Variants in DOCK2 observed in about 807,000 individuals in gnomAD.
DOCK2 encodes dedicator of cytokinesis 2, also known as dedicator of cytokinesis protein 2.
In DOCK2, 87 loss-of-function variants were observed where a neutral mutation model predicts 248.9. The ratio of observed to expected loss-of-function variants is 0.35; its 90% CI spans 0.29 to 0.42. The LOEUF is 0.42. Among genes scored for constraint, DOCK2 ranks in the 10% least tolerant of loss-of-function variants. The pLI, the probability that DOCK2 is intolerant of heterozygous loss-of-function variation, is 1.00. For synonymous variants in DOCK2, 805 were observed against 821.6 expected (o/e 0.98, Z 0.35); for missense variants, 1,747 against 2,300.2 (o/e 0.76, Z 4.92).
At position 169,794,133 on chromosome 5, in the gene DOCK2, C is replaced by T. The variant is rs531316374; in HGVS notation, c.2555-8925C>T. Among the ~76,000 whole-genome samples the T allele has an allele frequency of 3.9e-5, 6 of 152,270 alleles. No individual in the cohort carries two copies. The South Asian group carries it at 1.2e-3, about 32-fold the overall frequency. ...TGCAGGACCCTACTTTTCCCGGGAACTGGAACCACCGAAAGCGCAGTCCAC... is the reference window on the plus strand; with the variant it reads ...TGCAGGACCCTACTTTTCCCGGGAATTGGAACCACCGAAAGCGCAGTCCAC... On this transcript the variant is annotated intron_variant, in intron 25 of 51. Transcript: ENST00000520908.
At chr5:169,780,189 G>C (rs764484471) in intron 25 of DOCK2, among the ~76,000 whole-genome samples, 1 of 152,124 alleles carries the variant, frequency 6.6e-6, no homozygotes, top group Non-Finnish European at 1.5e-5. Flanking sequence ...AGTTTGCCCT[G>C]GTGATTGCCA....
chr5:169,745,904 G>T (rs554509728), intron 22 of DOCK2, among the ~76,000 whole-genome samples: 1 of 152,168 alleles, frequency 6.6e-6, no homozygotes, highest in Non-Finnish European at 1.5e-5. Context: ...GCCGGGGTGG[G>T]GGTGAGTTAG....
intron 14 of DOCK2, among the ~76,000 whole-genome samples, chr5:169,707,466 T>A (rs1260210485): frequency 6.6e-6 from 1 of 152,252 alleles, no homozygotes; most frequent in African/African-American, 2.4e-5. Flanking sequence ...CAGTAGTGTG[T>A]ACACATGTCT....
chr5:169,740,730 T>C (rs1244043581), intron 22 of DOCK2, among the ~76,000 whole-genome samples: 1 of 152,220 alleles, frequency 6.6e-6, no homozygotes, highest in Non-Finnish European at 1.5e-5. Flanking sequence ...ACATATTCTG[T>C]TTCTCATGAG....
chr5:169,913,136 A>C (rs989951743), intron 27 of DOCK2, among the ~76,000 whole-genome samples: 21 of 152,210 alleles, frequency 1.4e-4, no homozygotes, highest in African/African-American at 4.8e-4. Context: ...CTTCAGGCAC[A>C]AACATTTAAA....
Position 169,854,306 on chromosome 5 carries a change from C to T in DOCK2, c.2799+13454C>T, listed in dbSNP as rs114377424. Among the ~76,000 whole-genome samples, 199 of 152,130 alleles carry T rather than the reference C, an allele frequency of 1.3e-3. 2 individuals are homozygous for T. The highest frequency in any genetic ancestry group is 4.6e-3 in the African/African-American group (192 of 41,494). ...GTTCAAGGGATTCTTGAGCCTCAGC[C>T]TCCTTAGTAAGTGGGATTACAGGTA... On this transcript the variant is annotated intron_variant, in intron 27 of 51. Transcript: ENST00000520908.
At chr5:170,000,575 C>T (rs1292841788) in intron 30 of DOCK2, 1 of 152,180 alleles carries the variant, frequency 6.6e-6, no homozygotes, top group African/African-American at 2.4e-5. Flanking sequence ...TTCTTACTGG[C>T]ACTGGGATAG....
chr5:169,995,029 ATT>A (rs11321220), intron 29 of DOCK2, among the ~76,000 whole-genome samples: 6,191 of 140,502 alleles, frequency 0.044, 428 homozygotes, highest in African/African-American at 0.14. Context: ...GTTATTTTTT[ATT>A]TTTTTTTTTT....
In DOCK2 at chr5:169,822,796, CA is replaced by C. The variant is rs1026166774; in HGVS notation, c.2704-17954del. On this transcript the variant is annotated intron_variant, in intron 26 of 51. Coordinates refer to ENST00000520908, the MANE Select transcript of DOCK2 (RefSeq NM_004946.3). Reference sequence around the variant, plus strand: ...AGCAGAACTGAAGGAGATAGAGACACAAAAAAACCCTTCAAAAAATCAACGA... The same window carrying C: ...AGCAGAACTGAAGGAGATAGAGACACAAAAAACCCTTCAAAAAATCAACGA... 1.3e-5 allele frequency among the ~76,000 whole-genome samples: 2 copies of C among 151,708 alleles called. 1 individual carries two copies. The highest frequency in any genetic ancestry group is 4.2e-4 in the South Asian group (2 of 4,808).
intron 38 of DOCK2, among the ~76,000 whole-genome samples, chr5:170,042,711 C>A (rs1302895224): frequency 6.6e-6 from 1 of 152,236 alleles, no homozygotes; most frequent in Non-Finnish European, 1.5e-5. Context: ...GAGGCCTTCC[C>A]TGACCACCAC....
intron 9 of DOCK2, among the ~76,000 whole-genome samples, chr5:169,692,375 G>A (rs895845085): frequency 2.0e-5 from 3 of 152,326 alleles, no homozygotes; most frequent in South Asian, 2.1e-4. Context: ...TTGTAAGGCC[G>A]AAGCAGAAAT....
chr5:169,937,352 G>A (rs1463082470), intron 27 of DOCK2, among the ~76,000 whole-genome samples: 2 of 152,076 alleles, frequency 1.3e-5, no homozygotes, highest in African/African-American at 4.8e-5. Context: ...TGGTTCCCTG[G>A]GTGTGCAACC....
intron 27 of DOCK2, among the ~76,000 whole-genome samples, chr5:169,952,068 A>G (rs1417906099): frequency 6.6e-6 from 1 of 152,210 alleles, no homozygotes; most frequent in African/African-American, 2.4e-5. Context: ...TTTGTTACCT[A>G]AGCCCCAAGG....
At chr5:169,918,114 A>G (rs1704991845) in intron 27 of DOCK2, among the ~76,000 whole-genome samples, 1 of 152,210 alleles carries the variant, frequency 6.6e-6, no homozygotes, top group Non-Finnish European at 1.5e-5. Context: ...AGAATTTGAA[A>G]GCTTAAAAAT....
chr5:169,942,484 G>T (rs985825337), intron 27 of DOCK2, among the ~76,000 whole-genome samples: 1 of 152,178 alleles, frequency 6.6e-6, no homozygotes, highest in Non-Finnish European at 1.5e-5. Context: ...TTGTCTTGAG[G>T]TATTGGGAAA....
At chr5:169,638,517 G>A (rs79511919) in intron 1 of DOCK2, among the ~76,000 whole-genome samples, 7,912 of 152,226 alleles carry the variant, frequency 0.052, 505 homozygotes, top group Admixed American at 0.15. Flanking sequence ...CGTCTATAAA[G>A]TGGAAGTAAT....
chr5:169,929,921 A>G (rs1480962885), intron 27 of DOCK2, among the ~76,000 whole-genome samples: 1 of 152,196 alleles, frequency 6.6e-6, no homozygotes, highest in East Asian at 1.9e-4. Flanking sequence ...ACATATGCAT[A>G]TTAAACATAT....
At chr5:170,031,353 CCTCT>C (rs1217800076) in intron 34 of DOCK2, among the ~76,000 whole-genome samples, 1 of 152,126 alleles carries the variant, frequency 6.6e-6, no homozygotes, top group Non-Finnish European at 1.5e-5. Flanking sequence ...TGGGATCCTC[CCTCT>C]AAAAGCCTCC....
chr5:169,696,770 C>G (rs978999445), intron 10 of DOCK2, among the ~76,000 whole-genome samples: 2 of 151,970 alleles, frequency 1.3e-5, no homozygotes, highest in Non-Finnish European at 2.9e-5. Flanking sequence ...CCAACTAGTC[C>G]CCTGGCACTG....
Sources: gnomAD v4.1 joint callset for allele counts (sites outside exome capture counted in the v4.1 genomes callset) on GRCh38, gnomAD v4.1.1 for gene constraint, MANE v1.5 for transcripts, NCBI Gene and HGNC (gene_info 2026-07-23, HGNC 2026-07-21) for gene names.